The following MMP26 variants were observed in gnomAD, a reference collection of about 807,000 sequenced individuals.
MMP26 encodes matrix metalloproteinase-26.
Under a neutral mutation model 31.0 loss-of-function variants are expected in MMP26, and 33 were observed. That is an observed-to-expected ratio of 1.06 (90% CI 0.81 to 1.42). The LOEUF (loss-of-function observed/expected upper bound fraction) is 1.42. MMP26 is among the 40% of genes most tolerant of loss of function. The probability of loss-of-function intolerance (pLI) is 0.00; values close to 1 mark genes in which losing one functional copy is unlikely to be tolerated. For missense variants in MMP26, 347 were observed against 316.1 expected (o/e 1.10, Z -0.74); for synonymous variants, 122 against 114.9 (o/e 1.06, Z -0.40).
At position 4,804,514 on chromosome 11, in the gene MMP26, T is replaced by C. The variant is rs148616493; in HGVS notation, c.-145+37173T>C. 1.4e-3 allele frequency: 1,100 copies of C among 792,976 alleles called. 13 individuals carry two copies. The African/African-American group carries it at 0.015, about 11-fold the overall frequency. 49.1% of individuals were successfully genotyped at this position (792,976 alleles called of 1,614,324 possible). On this transcript the variant is annotated intron_variant, in intron 2 of 7. Coordinates refer to ENST00000380390, the MANE Select transcript of MMP26 (RefSeq NM_021801.5). ...ATACCAGGGTGATTGGGTTTGATTA[T>C]AAACTAGAATAATTTCAACTGTTTT...
intron 2 of MMP26, chr11:4,924,002 T>C: frequency 6.2e-7 from 1 of 1,614,038 alleles, no homozygotes. Context: ...AACTGATGAC[T>C]CCATTGAAGA....
intron 2 of MMP26, among the ~76,000 whole-genome samples, chr11:4,963,000 C>T (rs1245342850): frequency 6.6e-6 from 1 of 152,192 alleles, no homozygotes; most frequent in East Asian, 1.9e-4. Flanking sequence ...TGCCAAGTCT[C>T]ATCCTGCCTA....
chr11:4,984,326 A>G (rs554225772), intron 2 of MMP26, among the ~76,000 whole-genome samples: 1 of 152,340 alleles, frequency 6.6e-6, no homozygotes, highest in South Asian at 2.1e-4. Flanking sequence ...TAACTATAAG[A>G]TGAATACTAT....
intron 2 of MMP26, among the ~76,000 whole-genome samples, chr11:4,776,824 T>C (rs35632863): frequency 0.095 from 14,421 of 152,202 alleles, 850 homozygotes; most frequent in Middle Eastern, 0.15. Flanking sequence ...CCCAGTCATA[T>C]TTCCTGTTAA....
At chr11:4,891,462 C>T (rs914644001) in intron 2 of MMP26, among the ~76,000 whole-genome samples, 1 of 152,144 alleles carries the variant, frequency 6.6e-6, no homozygotes, top group Non-Finnish European at 1.5e-5. Context: ...AAACACCTCC[C>T]ACCAACCCCC....
chr11:4,881,949 C>A, intron 2 of MMP26: 1 of 1,613,860 alleles, frequency 6.2e-7, no homozygotes, highest in Admixed American at 1.7e-5. Flanking sequence ...TTCCTCCTCA[C>A]TGCATTCCCT....
chr11:4,707,942 G>A lies in MMP26; in HGVS notation c.-217+2897G>A, dbSNP rs146906273. ...TGTCTCCTCAGTTTCATTAGAGGAC[G>A]CTTCTTCTGGTCTTTTCTTTAAATA... On this transcript the variant is annotated intron_variant, in intron 1 of 7. Coordinates refer to ENST00000380390, the MANE Select transcript of MMP26 (RefSeq NM_021801.5). Among the ~76,000 whole-genome samples the A allele has an allele frequency of 2.8e-3, 432 of 152,206 alleles. 5 individuals carry two copies. The highest frequency in any genetic ancestry group is 5.4e-3 in the Non-Finnish European group (369 of 68,000).
intron 2 of MMP26, among the ~76,000 whole-genome samples, chr11:4,894,878 A>G (rs1354443452): frequency 6.6e-6 from 1 of 152,194 alleles, no homozygotes; most frequent in Non-Finnish European, 1.5e-5. Context: ...TGCTTTCCAA[A>G]TCAGTTCATT....
intron 1 of MMP26, among the ~76,000 whole-genome samples, chr11:4,726,971 A>G (rs1848109544): frequency 6.6e-6 from 1 of 152,178 alleles, no homozygotes; most frequent in African/African-American, 2.4e-5. Context: ...AACTATGATT[A>G]TGCCATTGCA....
chr11:4,827,834 T>TAA (rs565981764), intron 2 of MMP26, among the ~76,000 whole-genome samples: 2 of 144,884 alleles, frequency 1.4e-5, no homozygotes, highest in East Asian at 4.0e-4. Context: ...TTTTTCTCCC[T>TAA]AAAAAAAAAA....
At chr11:4,835,455 G>A (rs775084897) in intron 2 of MMP26, among the ~76,000 whole-genome samples, 1 of 152,028 alleles carries the variant, frequency 6.6e-6, no homozygotes, top group Non-Finnish European at 1.5e-5. Context: ...TCAAGTTAAC[G>A]TGATTTGCAG....
At chr11:4,861,556 A>G (rs942190254) in intron 2 of MMP26, among the ~76,000 whole-genome samples, 3 of 152,000 alleles carry the variant, frequency 2.0e-5, no homozygotes, top group Admixed American at 2.0e-4. Context: ...TTAATGAATT[A>G]CATATGCAAA....
rs148780185 is a variant in MMP26, at chr11:4,955,312, G to A, written c.-144-32756G>A. 7.7e-6 allele frequency: 9 copies of A among 1,162,496 alleles called. 3 individuals are homozygous for A. The African/African-American group carries it at 1.2e-4, about 15-fold the overall frequency. 72.0% of individuals were successfully genotyped at this position (1,162,496 alleles called of 1,614,324 possible). ...CTCTGACAGTTGTCAGGATTGAGGT[G>A]TATCTCAGAGGATTGTGGATGGCTA... On this transcript the variant is annotated intron_variant, in intron 2 of 7. Coordinates refer to ENST00000380390, the MANE Select transcript of MMP26 (RefSeq NM_021801.5).
chr11:4,750,182 G>A (rs1287215677), intron 1 of MMP26, among the ~76,000 whole-genome samples: 1 of 152,042 alleles, frequency 6.6e-6, no homozygotes, highest in Admixed American at 6.6e-5. Context: ...TATGAAAATT[G>A]CTCAACACCA....
At chr11:4,934,609 G>A (rs1288944795) in intron 2 of MMP26, among the ~76,000 whole-genome samples, 1 of 144,566 alleles carries the variant, frequency 6.9e-6, no homozygotes, top group Non-Finnish European at 1.5e-5. Context: ...TTTGTCTTTT[G>A]TTGCCATTGC....
At chr11:4,804,467 G>A (rs1358262547) in intron 2 of MMP26, 2 of 1,059,422 alleles carry the variant, frequency 1.9e-6, no homozygotes, top group Non-Finnish European at 3.0e-6. Flanking sequence ...TTATATACAA[G>A]GCTTTTGGAT....
chr11:4,796,487 A>C lies in MMP26; in HGVS notation c.-145+29146A>C, dbSNP rs1408892042. 3.9e-5 allele frequency among the ~76,000 whole-genome samples: 6 copies of C among 152,194 alleles called. No individual in the cohort carries two copies. The South Asian group carries it at 1.2e-3, about 31-fold the overall frequency. On this transcript the variant is annotated intron_variant, in intron 2 of 7. Coordinates refer to ENST00000380390, the MANE Select transcript of MMP26 (RefSeq NM_021801.5). ...AGTCCAGTGGTTAGAGTCTGTCTTC[A>C]CCATGCCCAACATAGCTGCATTCTG...
At position 4,844,163 on chromosome 11, in the gene MMP26, A is replaced by G. The variant is rs183402406; in HGVS notation, c.-145+76822A>G. Among the ~76,000 whole-genome samples, 103 of 152,328 alleles carry G rather than the reference A, an allele frequency of 6.8e-4. 1 individual carries two copies. Among genetic ancestry groups the G allele is most frequent in the African/African-American group, 2.3e-3 (96 of 41,578 alleles). ...CAAGTATATGCCAATAAATTAGAAAATCTAGAAGTAATGGAGAAGTTCCTA... is the reference window on the plus strand; with the variant it reads ...CAAGTATATGCCAATAAATTAGAAAGTCTAGAAGTAATGGAGAAGTTCCTA... On this transcript the variant is annotated intron_variant, in intron 2 of 7. Coordinates refer to ENST00000380390, the MANE Select transcript of MMP26 (RefSeq NM_021801.5).
intron 2 of MMP26, among the ~76,000 whole-genome samples, chr11:4,963,437 AGC>A (rs1212547067): frequency 2.6e-5 from 4 of 152,222 alleles, no homozygotes; most frequent in Non-Finnish European, 5.9e-5. Context: ...GACAATCCTA[AGC>A]AAAAAGAACA....
Sources: allele counts gnomAD v4.1 joint callset (sites outside exome capture counted in the v4.1 genomes callset), GRCh38; gene constraint gnomAD v4.1.1; transcripts MANE v1.5; gene names NCBI Gene and HGNC (gene_info 2026-07-23, HGNC 2026-07-21).